UBP1: variants seen among roughly 807,000 people sequenced by gnomAD.
UBP1 encodes upstream-binding protein 1.
A neutral mutation model predicts 76.1 loss-of-function variants in UBP1; 22 were observed. The observed-to-expected ratio is 0.29, with a 90% CI of 0.21 to 0.41. The LOEUF is 0.41. Ranked by LOEUF, UBP1 falls within the 10% of genes least tolerant of loss-of-function variation. UBP1 has a pLI of 1.00. For missense variants in UBP1, 436 were observed against 668.1 expected, an observed-to-expected ratio of 0.65 and a Z score of 3.83; for synonymous variants, 224 against 237.1, an observed-to-expected ratio of 0.94 and a Z score of 0.51.
chr3:33,412,517 A>AG (rs1319882798), intron 4 of UBP1, among the ~76,000 whole-genome samples: 1 of 150,812 alleles, frequency 6.6e-6, no homozygotes, highest in Non-Finnish European at 1.5e-5. Flanking sequence ...CGGGAGGTAG[A>AG]GGTTGCAGTG....
intron 13 of UBP1, among the ~76,000 whole-genome samples, chr3:33,395,005 A>C (rs1403033823): frequency 6.6e-6 from 1 of 152,154 alleles, no homozygotes; most frequent in Non-Finnish European, 1.5e-5. Context: ...TTATGGGAAA[A>C]TATCCAATAT....
intron 2 of UBP1, among the ~76,000 whole-genome samples, chr3:33,423,998 T>C (rs1348255963): frequency 6.6e-6 from 1 of 152,258 alleles, no homozygotes; most frequent in Non-Finnish European, 1.5e-5. Flanking sequence ...ACAGGGTGTA[T>C]ATGTGTACTA....
rs1437168867 is a variant in UBP1, at chr3:33,439,799, T to C, written c.50A>G (p.His17Arg). The C allele has an allele frequency of 3.1e-6, 5 of 1,612,756 alleles. No homozygotes were observed. Among genetic ancestry groups the C allele is most frequent in the Non-Finnish European group, 4.2e-6 (5 of 1,179,698 alleles). The part of the protein sequence containing the change: ...MDEVIESGLV[H>R]DFDASLSGIG... ...GCCCGAGAGGCTGGCGTCGAAGTCG[T>C]GCACCAGCCCGGACTCGATCACCTC... The change falls in exon 1 of 16, where the codon CAC becomes CGC. Residue 17 changes from histidine to arginine, a missense_variant. Coordinates refer to ENST00000283629, the MANE Select transcript of UBP1 (RefSeq NM_014517.5).
At chr3:33,418,860 CA>C (rs59774815) in intron 2 of UBP1, among the ~76,000 whole-genome samples, 18,592 of 77,116 alleles carry the variant, frequency 0.24, 1,129 homozygotes, top group East Asian at 0.4. Context: ...ACTCTGTCTC[CA>C]AAAAAAAAAA....
chr3:33,423,038 A>C lies in UBP1; in HGVS notation c.265+2552T>G, dbSNP rs1198527535. ...CAGTTCCTTTAAAATTACTCAAAAA[A>C]AAGTTTGTTTTTTTTTTTTTTGAGA... On this transcript the variant is annotated intron_variant, in intron 2 of 15. Coordinates refer to ENST00000283629, the MANE Select transcript of UBP1 (RefSeq NM_014517.5). Among the ~76,000 whole-genome samples the C allele has an allele frequency of 3.6e-5, 5 of 137,850 alleles. No homozygotes were observed. In the Admixed American group the frequency reaches 4.1e-4, roughly 11 times the overall value. The allele number at this position is 137,850 out of a possible 152,430, so 90.4% of individuals were successfully genotyped here.
intron 15 of UBP1, 48 bp downstream of exon 15, chr3:33,392,515 C>T: frequency 6.5e-7 from 1 of 1,532,798 alleles, no homozygotes; most frequent in South Asian, 1.2e-5. Flanking sequence ...AGGCACACAC[C>T]ATCTCTCATG....
chr3:33,392,365 G>A, intron 15 of UBP1, 198 bp downstream of exon 15: 1 of 480,602 alleles, frequency 2.1e-6, no homozygotes. Flanking sequence ...TTTTTTTCCA[G>A]TCATCTAGAA....
At chr3:33,403,506 ATCTATCTG>A (rs767059611) in intron 8 of UBP1, 1,114 of 28,244 alleles carry the variant, frequency 0.039, 3 homozygotes, top group Middle Eastern at 0.18. Flanking sequence ...CTATCTATCT[ATCTATCTG>A]TCTGTCTGTC....
chr3:33,425,996 A>AATATATATATATATATAT (rs60739079), intron 1 of UBP1, among the ~76,000 whole-genome samples: 5 of 55,138 alleles, frequency 9.1e-5, no homozygotes, highest in South Asian at 6.7e-4. Flanking sequence ...GGCAGCTCTG[A>AATATATATATATATATAT]ATATATATAT....
At chr3:33,433,944 G>T (rs1017963270) in intron 1 of UBP1, among the ~76,000 whole-genome samples, 1 of 151,732 alleles carries the variant, frequency 6.6e-6, no homozygotes, top group African/African-American at 2.4e-5. Context: ...AATAATAATA[G>T]TATCAGTCAT....
chr3:33,440,476 G>A (rs1173980596), upstream of UBP1: 2 of 62,552 alleles, frequency 3.2e-5, no homozygotes, highest in Non-Finnish European at 6.0e-5. Context: ...GTACAGCCCC[G>A]CGCTTAGGGC....
intron 2 of UBP1, among the ~76,000 whole-genome samples, chr3:33,425,356 C>T (rs1456811634): frequency 2.0e-4 from 30 of 152,144 alleles, no homozygotes; most frequent in Non-Finnish European, 2.9e-5. Flanking sequence ...TGGATTATGT[C>T]TTAAAAATCC....
chr3:33,392,988 A>G (rs1210399495), intron 14 of UBP1: 1 of 321,234 alleles, frequency 3.1e-6, no homozygotes, highest in Non-Finnish European at 5.6e-6. Context: ...GTCATCAAAT[A>G]ATAGACAAAA....
chr3:33,420,256 G>GA (rs780466695), intron 2 of UBP1, among the ~76,000 whole-genome samples: 3 of 152,180 alleles, frequency 2.0e-5, no homozygotes, highest in Non-Finnish European at 4.4e-5. Flanking sequence ...AGAACTTTCT[G>GA]AAATATTTAA....
Position 33,390,125 on chromosome 3 carries a change from T to G in UBP1, c.*206A>C, listed in dbSNP as rs1273265697. The G allele has an allele frequency of 8.7e-6, 5 of 573,464 alleles. No homozygotes were observed. Among genetic ancestry groups the G allele is most frequent in the Non-Finnish European group, 1.6e-5 (5 of 319,980 alleles). 35.5% of individuals were successfully genotyped at this position (573,464 alleles called of 1,614,324 possible). A position where few individuals can be genotyped will look rare whatever the true frequency, so the allele number is the denominator to read the frequency against. ...GAGCTGGATGCATGCTGTGCCGATG[T>G]GCTCACTCTCATGAGGATGCTTGGC... On this transcript the variant is annotated 3_prime_UTR_variant, in exon 16 of 16. Transcript: ENST00000283629.
rs1439340847 is a variant in UBP1 at position 33,439,725 on chromosome 3, G to A, written c.113+11C>T. ...AGACAGAGGCTTCTCCCCGCCCAGG[G>A]AGCCCAGTACCTCATGCTGTAAGCG... On this transcript the variant is annotated intron_variant, in intron 1 of 15. Transcript: ENST00000283629. 9 of 1,609,982 alleles carry A rather than the reference G, an allele frequency of 5.6e-6. No individual in the cohort carries two copies. The East Asian group carries it at 9.0e-5, about 16-fold the overall frequency.
chr3:33,415,415 G>A (rs957675852), intron 3 of UBP1, among the ~76,000 whole-genome samples: 3 of 151,942 alleles, frequency 2.0e-5, no homozygotes, highest in South Asian at 2.1e-4. Context: ...TCTATAATCC[G>A]GCATACACAA....
At chr3:33,410,952 A>C (rs900617482) in intron 5 of UBP1, among the ~76,000 whole-genome samples, 1 of 151,774 alleles carries the variant, frequency 6.6e-6, no homozygotes, top group Non-Finnish European at 1.5e-5. Flanking sequence ...GCACACCTGT[A>C]ATCCCAGCTA....
At chr3:33,419,182 G>A (rs2044816907) in intron 2 of UBP1, among the ~76,000 whole-genome samples, 1 of 152,078 alleles carries the variant, frequency 6.6e-6, no homozygotes, top group Non-Finnish European at 1.5e-5. Flanking sequence ...AGACAGCCAG[G>A]AGCTGACTTG....
Sources: allele counts gnomAD v4.1 joint callset (sites outside exome capture counted in the v4.1 genomes callset), GRCh38; gene constraint gnomAD v4.1.1; transcripts MANE v1.5; gene names NCBI Gene and HGNC (gene_info 2026-07-23, HGNC 2026-07-21).